The following OR4M1 variants were observed in gnomAD, a reference collection of about 807,000 sequenced individuals.
The protein encoded by OR4M1 is olfactory receptor 4M1.
OR4M1 carries 7 observed loss-of-function variants against 9.8 expected under a neutral mutation model. The ratio of observed to expected loss-of-function variants is 0.71; its 90% CI spans 0.41 to 1.34. The LOEUF is 1.34. Ranked by LOEUF, OR4M1 falls within the 40% of genes most tolerant of loss-of-function variation. The pLI, the probability that OR4M1 is intolerant of heterozygous loss-of-function variation, is 0.01. For missense variants in OR4M1, 331 were observed against 380.4 expected (o/e 0.87, Z 1.08); for synonymous variants, 121 against 139.8 (o/e 0.87, Z 0.95).
chr14:19,779,776 T>A (rs1878412171), intron 1 of OR4M1, among the ~76,000 whole-genome samples: 1 of 152,280 alleles, frequency 6.6e-6, no homozygotes, highest in Non-Finnish European at 1.5e-5. Flanking sequence ...TGGAAAAATA[T>A]GTCCATTCAG....
At position 19,780,572 on chromosome 14, in the gene OR4M1, G is replaced by A. The variant is rs533870284; in HGVS notation, c.250G>A (p.Asp84Asn). 91 of 1,614,206 alleles carry A rather than the reference G, an allele frequency of 5.6e-5. 1 individual carries two copies. In the East Asian group the frequency reaches 1.7e-3, roughly 30 times the overall value. ...CATTACAGCCCCTAAAATGCTCATA[G>A]ACTTCTTTGTGGAGAGGAAGATAAT... ...SSITAPKMLI[D>N]FFVERKIISF... Residue 84 changes from aspartate to asparagine, a missense_variant, in exon 2 of 2, where the codon GAC (aspartate) becomes AAC (asparagine). Physicochemically the swap from Asp to Asn is conservative, Grantham distance 23. This residue lies in a region of OR4M1 where 209 missense variants were observed against 200.0 expected (regional missense o/e 1.04). Coordinates refer to ENST00000641200, the MANE Select transcript of OR4M1 (RefSeq NM_001005500.2).
intron 1 of OR4M1, among the ~76,000 whole-genome samples, chr14:19,775,234 C>T (rs780916720): frequency 6.6e-6 from 1 of 152,216 alleles, no homozygotes; most frequent in Admixed American, 6.5e-5. Context: ...GCATGAAGCA[C>T]AATTGTGCAT....
Position 19,781,496 on chromosome 14 carries a change from A to T in OR4M1, c.*232A>T, listed in dbSNP as rs577345856. The T allele has an allele frequency of 2.0e-6, 1 of 502,770 alleles. No individual in the cohort carries two copies. The highest frequency in any genetic ancestry group is 2.0e-5 in the African/African-American group (1 of 51,128). The allele number at this position is 502,770 out of a possible 1,614,324, so 31.1% of individuals were successfully genotyped here. A position where few individuals can be genotyped will look rare whatever the true frequency, so the allele number is the denominator to read the frequency against. ...AGGCAGATCATTATTAGAATTTGAGATATAATAATAATCTGCTAAAGTACA... is the reference window on the plus strand; with the variant it reads ...AGGCAGATCATTATTAGAATTTGAGTTATAATAATAATCTGCTAAAGTACA... On this transcript the variant is annotated 3_prime_UTR_variant, in exon 2 of 2. Transcript: ENST00000641200.
rs150933548 is a variant in OR4M1 at position 19,780,477 on chromosome 14, A to G, written c.155A>G (p.Asp52Gly). 1.0e-4 allele frequency: 165 copies of G among 1,614,096 alleles called. 1 individual carries two copies. Among genetic ancestry groups the G allele is most frequent in the Middle Eastern group, 1.7e-4 (1 of 6,060 alleles). ...CTTATCATTTGCACCATCAGGCTAG[A>G]CCCTCATCTGACTTCTCCTATGTAT... ...NILIICTIRL[D>G]PHLTSPMYFL... The change falls in exon 2 of 2, where the codon GAC (aspartate) becomes GGC (glycine). Residue 52 changes from aspartate to glycine, a missense_variant. By Grantham distance (94) the Asp-to-Gly change is moderately conservative (BLOSUM62 -1). Transcript: ENST00000641200.
At chr14:19,775,722 C>T (rs1181191385) in intron 1 of OR4M1, among the ~76,000 whole-genome samples, 22 of 146,100 alleles carry the variant, frequency 1.5e-4, no homozygotes, top group African/African-American at 3.0e-4. Context: ...TTTTAATATA[C>T]TTTAATAATA....
At position 19,780,582 on chromosome 14, in the gene OR4M1, T is replaced by C. The variant is rs1339672356; in HGVS notation, c.260T>C (p.Val87Ala). 6.2e-7 allele frequency: 1 copy of C among 1,614,118 alleles called. No homozygotes were observed. Among genetic ancestry groups the C allele is most frequent in the African/African-American group, 1.3e-5 (1 of 74,940 alleles). ...TAPKMLIDFF[V>A]ERKIISFGGC... Reference sequence around the variant, plus strand: ...CCTAAAATGCTCATAGACTTCTTTGTGGAGAGGAAGATAATTTCCTTTGGT... The same window carrying C: ...CCTAAAATGCTCATAGACTTCTTTGCGGAGAGGAAGATAATTTCCTTTGGT... Residue 87 changes from valine (V) to alanine (A), a missense_variant, in exon 2 of 2, where the codon GTG becomes GCG. Val to Ala is a moderately conservative substitution (Grantham distance 64). Coordinates refer to ENST00000641200, the MANE Select transcript of OR4M1 (RefSeq NM_001005500.2).
chr14:19,777,109 G>A (rs1878339148), intron 1 of OR4M1, among the ~76,000 whole-genome samples: 1 of 148,230 alleles, frequency 6.7e-6, no homozygotes, highest in South Asian at 2.1e-4. Context: ...AGCAGCCAGG[G>A]TGATATTTCT....
intron 1 of OR4M1, among the ~76,000 whole-genome samples, chr14:19,779,291 TATC>T (rs1383209811): frequency 2.6e-5 from 4 of 152,246 alleles, no homozygotes; most frequent in Non-Finnish European, 5.9e-5. Flanking sequence ...GGAGAGGCAA[TATC>T]ATAAAATATC....
chr14:19,781,495 G>T lies in OR4M1; in HGVS notation c.*231G>T. 2.0e-6 allele frequency: 1 copy of T among 502,596 alleles called. No homozygotes were observed. The highest frequency in any genetic ancestry group is 3.5e-6 in the Non-Finnish European group (1 of 288,216). The allele number at this position is 502,596 out of a possible 1,614,324, so 31.1% of individuals were successfully genotyped here. A position where few individuals can be genotyped will look rare whatever the true frequency, so the allele number is the denominator to read the frequency against. Reference sequence around the variant, plus strand: ...CAGGCAGATCATTATTAGAATTTGAGATATAATAATAATCTGCTAAAGTAC... The same window carrying T: ...CAGGCAGATCATTATTAGAATTTGATATATAATAATAATCTGCTAAAGTAC... On this transcript the variant is annotated 3_prime_UTR_variant, in exon 2 of 2. Coordinates refer to ENST00000641200, the MANE Select transcript of OR4M1 (RefSeq NM_001005500.2).
rs1312857751 is a variant in OR4M1, at chr14:19,780,542, T to C, written c.220T>C (p.Ser74Pro). ...TCTGGCCCTCCTTGATATTTGGTAC[T>C]CTTCCATTACAGCCCCTAAAATGCT... ...ANLALLDIWYSSITAPKMLID... is the reference protein window; with the variant it reads ...ANLALLDIWYPSITAPKMLID... Residue 74 changes from serine to proline, a missense_variant, in exon 2 of 2, where the codon TCT (serine) becomes CCT (proline). By Grantham distance (74) the Ser-to-Pro change is moderately conservative (BLOSUM62 -1). Around this residue, in one of 2 missense-constraint regions of OR4M1, gnomAD observed 209 missense variants for 200.0 expected, o/e 1.04. Transcript: ENST00000641200. 2.6e-5 allele frequency: 42 copies of C among 1,614,112 alleles called. No homozygotes were observed. Among genetic ancestry groups the C allele is most frequent in the Non-Finnish European group, 3.3e-5 (39 of 1,180,036 alleles).
chr14:19,782,347 ATGTTTTTTACT>A lies in OR4M1; in HGVS notation c.*1085_*1095del, dbSNP rs1878526255. 6.6e-6 allele frequency: 1 copy of A among 152,340 alleles called. No homozygotes were observed. Among genetic ancestry groups the A allele is most frequent in the Middle Eastern group, 3.4e-3 (1 of 294 alleles). The allele number at this position is 152,340 out of a possible 1,614,324, so 9.4% of individuals were successfully genotyped here. A position where few individuals can be genotyped will look rare whatever the true frequency, so the allele number is the denominator to read the frequency against. ...ATTAGAACATTTGATTTTATAGGTT[ATGTTTTTTACT>A]TAAATTTATTAGTTTTTCATTTCAA... On this transcript the variant is annotated 3_prime_UTR_variant, in exon 2 of 2. Transcript: ENST00000641200.
At chr14:19,774,288 A>G (rs1251926849) in intron 1 of OR4M1, among the ~76,000 whole-genome samples, 3 of 152,116 alleles carry the variant, frequency 2.0e-5, no homozygotes, top group Non-Finnish European at 2.9e-5. Context: ...AAATGAATTA[A>G]TAAAAACAAT....
chr14:19,775,025 CT>C (rs1410598131), intron 1 of OR4M1, among the ~76,000 whole-genome samples: 1 of 152,244 alleles, frequency 6.6e-6, no homozygotes, highest in East Asian at 1.9e-4. Flanking sequence ...TCAGAGGTGC[CT>C]TCTTACATCC....
At position 19,781,452 on chromosome 14, in the gene OR4M1, A is replaced by G. The variant is rs1480257884; in HGVS notation, c.*188A>G. 1.7e-6 allele frequency: 1 copy of G among 596,046 alleles called. No homozygotes were observed. 36.9% of individuals were successfully genotyped at this position (596,046 alleles called of 1,614,324 possible). A position where few individuals can be genotyped will look rare whatever the true frequency, so the allele number is the denominator to read the frequency against. The stretch of plus-strand genomic sequence containing the variant: ...CATTAAGATGAAAATAAATTTACTC[A>G]CACCTACCCTGAAATTCCAGGCAGA... On this transcript the variant is annotated 3_prime_UTR_variant, in exon 2 of 2. Coordinates refer to ENST00000641200, the MANE Select transcript of OR4M1 (RefSeq NM_001005500.2).
At chr14:19,779,607 C>T (rs1411349193) in intron 1 of OR4M1, among the ~76,000 whole-genome samples, 6 of 152,320 alleles carry the variant, frequency 3.9e-5, no homozygotes, top group Non-Finnish European at 8.8e-5. Context: ...TACTTAAGTT[C>T]CTGCAATGGT....
At position 19,781,739 on chromosome 14, in the gene OR4M1, T is replaced by C; in HGVS notation, c.*475T>C. On this transcript the variant is annotated 3_prime_UTR_variant, in exon 2 of 2. Transcript: ENST00000641200. ...TATCTGGTAAACATCTTGCTGGGTC[T>C]GGAAAAACAGATTATTTGTCCTTTA... 6.3e-6 allele frequency: 1 copy of C among 159,990 alleles called. No individual in the cohort carries two copies. Among genetic ancestry groups the C allele is most frequent in the Non-Finnish European group, 1.4e-5 (1 of 73,128 alleles). The allele number at this position is 159,990 out of a possible 1,614,324, so 9.9% of individuals were successfully genotyped here. A position where few individuals can be genotyped will look rare whatever the true frequency, so the allele number is the denominator to read the frequency against.
In OR4M1 at chr14:19,780,905, G is replaced by A. The variant is rs1477931538; in HGVS notation, c.583G>A (p.Glu195Lys). Residue 195 changes from glutamate to lysine, a missense_variant, in exon 2 of 2, where the codon GAG (glutamate) becomes AAG (lysine). By Grantham distance (56) the Glu-to-Lys change is moderately conservative. This residue lies in a region of OR4M1 where 122 missense variants were observed against 180.5 expected (regional missense o/e 0.68). Transcript: ENST00000641200. ...VRIACANTFP[E>K]ELVMICSSGL... ...GATTGCCTGTGCCAACACCTTCCCA[G>A]AGGAGTTAGTGATGATCTGTAGTAG... 1.2e-6 allele frequency: 2 copies of A among 1,614,202 alleles called. No individual in the cohort carries two copies. Among genetic ancestry groups the A allele is most frequent in the Admixed American group, 3.3e-5 (2 of 60,030 alleles).
At position 19,778,018 on chromosome 14, in the gene OR4M1, TG is replaced by T. The variant is rs1329234502; in HGVS notation, c.-29-2274del. On this transcript the variant is annotated intron_variant, in intron 1 of 1. Coordinates refer to ENST00000641200, the MANE Select transcript of OR4M1 (RefSeq NM_001005500.2). ...TTTTCCACTTGACACTTGTGAAGGG[TG>T]GAGGACAGAGACACTCATCAAGAAG... 2.6e-5 allele frequency among the ~76,000 whole-genome samples: 4 copies of T among 152,286 alleles called. No homozygotes were observed. In the East Asian group the frequency reaches 7.7e-4, roughly 29 times the overall value.
intron 1 of OR4M1, among the ~76,000 whole-genome samples, chr14:19,778,862 C>A (rs1435892779): frequency 6.6e-6 from 1 of 152,164 alleles, no homozygotes; most frequent in East Asian, 1.9e-4. Flanking sequence ...ATTTTTCAAT[C>A]TTATTAAATA....
Sources: allele counts gnomAD v4.1 joint callset (sites outside exome capture counted in the v4.1 genomes callset), GRCh38; gene constraint gnomAD v4.1.1; regional missense constraint gnomAD v4.1.1; transcripts MANE v1.5; gene names NCBI Gene and HGNC (gene_info 2026-07-23, HGNC 2026-07-21).